The following TECR variants were observed in gnomAD, a reference collection of about 807,000 sequenced individuals.
TECR encodes the protein very-long-chain enoyl-CoA reductase.
In TECR, 19 loss-of-function variants were observed where a neutral mutation model predicts 50.6. The ratio of observed to expected loss-of-function variants is 0.38; its 90% CI spans 0.26 to 0.55. The LOEUF (loss-of-function observed/expected upper bound fraction) is 0.55, where lower values mean the gene tolerates loss of function less well. Among genes scored for constraint, TECR ranks in the 20% least tolerant of loss-of-function variants. The pLI, the probability that TECR is intolerant of heterozygous loss-of-function variation, is 0.79. For synonymous variants in TECR, 168 were observed against 163.5 expected (o/e 1.03, Z -0.21); for missense variants, 313 against 408.3 (o/e 0.77, Z 2.01).
intron 1 of TECR, among the ~76,000 whole-genome samples, chr19:14,539,386 G>C (rs115442730): frequency 6.6e-6 from 1 of 152,076 alleles, no homozygotes; most frequent in African/African-American, 2.4e-5. Context: ...TTTTTAACCT[G>C]TTGTGACAAA....
chr19:14,530,038 G>A (rs566291963), intron 1 of TECR: 40 of 475,180 alleles, frequency 8.4e-5, no homozygotes, highest in Non-Finnish European at 1.4e-4. Context: ...GAAGGTGCGG[G>A]ACCCTTGCTC....
intron 1 of TECR, among the ~76,000 whole-genome samples, chr19:14,545,369 G>A (rs1409590914): frequency 1.3e-5 from 2 of 152,128 alleles, no homozygotes; most frequent in South Asian, 4.2e-4. Context: ...TCCTCAGCAG[G>A]GTCCTCCCGG....
chr19:14,531,137 C>G (rs1488167404), intron 1 of TECR: 2 of 151,774 alleles, frequency 1.3e-5, no homozygotes, highest in African/African-American at 2.4e-5. Flanking sequence ...TGGGTTTAAG[C>G]GATTCTCCTG....
intron 1 of TECR, among the ~76,000 whole-genome samples, chr19:14,557,455 CT>C (rs1225148151): frequency 6.8e-6 from 1 of 146,680 alleles, no homozygotes; most frequent in Non-Finnish European, 1.5e-5. Flanking sequence ...CATATTTATT[CT>C]TTTTTTAAAT....
intron 1 of TECR, 126 bp from the exon 2 acceptor site, chr19:14,562,399 G>GACTTGA (rs1783524264): frequency 2.0e-6 from 2 of 982,018 alleles, no homozygotes; most frequent in Non-Finnish European, 3.2e-6. Context: ...AGGCGGCATG[G>GACTTGA]ACTTGAACTT....
At chr19:14,548,480 C>T (rs557660683) in intron 1 of TECR, among the ~76,000 whole-genome samples, 15 of 152,318 alleles carry the variant, frequency 9.8e-5, no homozygotes, top group African/African-American at 2.9e-4. Flanking sequence ...GCCTCACTGC[C>T]GTTACCAGGC....
chr19:14,535,550 AT>A (rs2072853642), intron 1 of TECR, among the ~76,000 whole-genome samples: 1 of 8,058 alleles, frequency 1.2e-4, no homozygotes, highest in African/African-American at 4.7e-4. Flanking sequence ...AAAAATATAT[AT>A]ATATATATAT....
Position 14,564,966 on chromosome 19 carries a change from G to T in TECR, c.580G>T (p.Val194Leu). 6.2e-7 allele frequency: 1 copy of T among 1,614,020 alleles called. No individual in the cohort carries two copies. The highest frequency in any genetic ancestry group is 2.2e-5 in the East Asian group (1 of 44,840). ...YTPPTYGAQQVKLALAIFVIC... is the reference protein window; with the variant it reads ...YTPPTYGAQQLKLALAIFVIC... ...CTCTTCAGCCTACGGAGCTCAGCAG[G>T]TGAAACTGGCGCTCGCCATCTTTGT... The change falls in exon 9 of 13, where the codon GTG becomes TTG. Residue 194 changes from valine to leucine, a missense_variant. Transcript: ENST00000215567.
intron 1 of TECR, among the ~76,000 whole-genome samples, chr19:14,537,215 G>T (rs1303223448): frequency 7.5e-6 from 1 of 132,562 alleles, no homozygotes; most frequent in African/African-American, 2.9e-5. Context: ...GGGCTCAGGA[G>T]GAGGAGGCGG....
upstream of TECR, chr19:14,529,581 G>A (rs766695196): frequency 3.9e-6 from 6 of 1,526,210 alleles, 1 homozygote; most frequent in South Asian, 6.7e-5. Flanking sequence ...GGGCGGGGCG[G>A]ACGCAGAGCC....
intron 1 of TECR, among the ~76,000 whole-genome samples, chr19:14,538,231 G>C (rs753856237): frequency 6.6e-6 from 1 of 152,146 alleles, no homozygotes; most frequent in Non-Finnish European, 1.5e-5. Context: ...TGTGGGTCGT[G>C]CACTGGGGAA....
At chr19:14,562,088 C>T (rs1697956614) in intron 1 of TECR, 5 of 449,680 alleles carry the variant, frequency 1.1e-5, no homozygotes, top group African/African-American at 2.0e-5. Context: ...CAGCCTGGCT[C>T]CCCGGGGAGA....
At position 14,542,860 on chromosome 19, in the gene TECR, A is replaced by T. The variant is rs74566393; in HGVS notation, c.15+13149A>T. On this transcript the variant is annotated intron_variant, in intron 1 of 12. Coordinates refer to ENST00000215567, the MANE Select transcript of TECR (RefSeq NM_138501.6). ...GTGGCCCTGTAGCTGTGTCACAGTG[A>T]CAGGCTGGCATGGCCCTGCCTCTGT... 2.6e-4 allele frequency among the ~76,000 whole-genome samples: 39 copies of T among 152,154 alleles called. 1 individual carries two copies. In the East Asian group the frequency reaches 6.4e-3, roughly 25 times the overall value.
At chr19:14,543,987 C>A (rs1315195682) in intron 1 of TECR, among the ~76,000 whole-genome samples, 1 of 152,100 alleles carries the variant, frequency 6.6e-6, no homozygotes, top group Middle Eastern at 3.2e-3. Context: ...ATCCTCCCGC[C>A]TCAGCCTCCC....
intron 1 of TECR, among the ~76,000 whole-genome samples, chr19:14,561,729 CA>C (rs1208693707): frequency 6.6e-6 from 1 of 152,212 alleles, no homozygotes; most frequent in African/African-American, 2.4e-5. Context: ...ATCCTTTCCA[CA>C]CTTCGAGAGA....
intron 12 of TECR, 31 bp downstream of exon 12, chr19:14,565,694 C>G (rs1355875484): frequency 6.2e-7 from 1 of 1,611,920 alleles, no homozygotes; most frequent in East Asian, 2.2e-5. Context: ...CGGCGGGGCC[C>G]TGCCCCTCCG....
At chr19:14,559,203 TGAAAC>T (rs1378215910) in intron 1 of TECR, among the ~76,000 whole-genome samples, 1 of 152,172 alleles carries the variant, frequency 6.6e-6, no homozygotes, top group African/African-American at 2.4e-5. Flanking sequence ...TCATGTAACA[TGAAAC>T]TAACCATTTA....
chr19:14,565,263 G>A lies in TECR; in HGVS notation c.726G>A (p.Leu242=). ...TKNPFTWLFL[L]VSCPNYTYEV... ...ACCCCTTCACGTGGCTCTTCCTGCT[G>A]GTGTCCTGCCCCAACTACACCTACG... Residue 242 remains leucine, a synonymous_variant, in exon 11 of 13, where the codon CTG becomes CTA. Transcript: ENST00000215567. 1 of 1,613,728 alleles carries A rather than the reference G, an allele frequency of 6.2e-7. No individual in the cohort carries two copies. Among genetic ancestry groups the A allele is most frequent in the Non-Finnish European group, 8.5e-7 (1 of 1,179,976 alleles).
At position 14,535,543 on chromosome 19, in the gene TECR, AATATATATATATAT is replaced by A. The variant is rs747348455; in HGVS notation, c.15+5865_15+5878del. Reference sequence around the variant, plus strand: ...AAAAAAAAAAAAAAAAAAAAAAAAAAATATATATATATATATATATATATATATATATATATATA... The same window carrying A: ...AAAAAAAAAAAAAAAAAAAAAAAAAAATATATATATATATATATATATATA... On this transcript the variant is annotated intron_variant, in intron 1 of 12. Coordinates refer to ENST00000215567, the MANE Select transcript of TECR (RefSeq NM_138501.6). Among the ~76,000 whole-genome samples the A allele has an allele frequency of 9.4e-3, 306 of 32,686 alleles. 2 individuals are homozygous for A. Among genetic ancestry groups the A allele is most frequent in the Middle Eastern group, 0.042 (2 of 48 alleles). The allele number at this position is 32,686 out of a possible 152,430, so 21.4% of individuals were successfully genotyped here. A position where few individuals can be genotyped will look rare whatever the true frequency, so the allele number is the denominator to read the frequency against.
Sources: gnomAD v4.1 joint callset for allele counts (sites outside exome capture counted in the v4.1 genomes callset) on GRCh38, gnomAD v4.1.1 for gene constraint, MANE v1.5 for transcripts, NCBI Gene and HGNC (gene_info 2026-07-23, HGNC 2026-07-21) for gene names.